FARS2: variants seen among roughly 807,000 people sequenced by gnomAD.
FARS2 encodes phenylalanine--tRNA ligase, mitochondrial.
In FARS2, 40 loss-of-function variants were observed where a neutral mutation model predicts 46.4. The observed-to-expected ratio is 0.86, with a 90% CI of 0.67 to 1.12. FARS2 has a LOEUF of 1.12. Ranked by LOEUF, FARS2 falls within the 50% of genes most tolerant of loss-of-function variation. The pLI is 0.00. For synonymous variants in FARS2, 234 were observed against 214.9 expected, an observed-to-expected ratio of 1.09 and a Z score of -0.78; for missense variants, 513 against 567.9, an observed-to-expected ratio of 0.90 and a Z score of 0.98.
upstream of FARS2, chr6:5,261,002 A>T: frequency 9.5e-7 from 1 of 1,051,370 alleles, no homozygotes; most frequent in Non-Finnish European, 1.2e-6. Flanking sequence ...CCCCGCCCCG[A>T]TCCCGCCCCC....
chr6:5,257,846 G>C (rs1454966432), upstream of FARS2, among the ~76,000 whole-genome samples: 1 of 152,184 alleles, frequency 6.6e-6, no homozygotes, highest in African/African-American at 2.4e-5. Flanking sequence ...GGATAGCTGT[G>C]ATATAGCACT....
chr6:5,290,872 A>G (rs575344445), intron 1 of FARS2, among the ~76,000 whole-genome samples: 4 of 152,152 alleles, frequency 2.6e-5, no homozygotes, highest in Admixed American at 2.6e-4. Context: ...GGCACACACC[A>G]CCATGCCCAG....
intron 5 of FARS2, among the ~76,000 whole-genome samples, chr6:5,578,913 A>G (rs780688909): frequency 2.6e-5 from 4 of 151,524 alleles, no homozygotes; most frequent in Non-Finnish European, 5.9e-5. Context: ...CTACTGCCTT[A>G]TGACATTTCT....
chr6:5,524,151 T>A (rs1769321331), intron 4 of FARS2, among the ~76,000 whole-genome samples: 1 of 152,180 alleles, frequency 6.6e-6, no homozygotes, highest in South Asian at 2.1e-4. Context: ...ATTCACATCT[T>A]TAGAGATAGC....
intron 1 of FARS2, among the ~76,000 whole-genome samples, chr6:5,365,213 T>C (rs1364341738): frequency 6.6e-6 from 1 of 151,940 alleles, no homozygotes; most frequent in South Asian, 2.1e-4. Flanking sequence ...TAAAAACACA[T>C]TGATGTATAA....
intron 6 of FARS2, among the ~76,000 whole-genome samples, chr6:5,634,613 C>T (rs766338491): frequency 2.0e-5 from 3 of 152,204 alleles, no homozygotes; most frequent in Non-Finnish European, 4.4e-5. Context: ...CCAGGCCTTG[C>T]TCAATTTTTA....
rs1364755014 is a variant in FARS2, at chr6:5,709,698, GCGCA to G, written c.1218-61592_1218-61589del. Among the ~76,000 whole-genome samples, 461 of 15,100 alleles carry G rather than the reference GCGCA, an allele frequency of 0.031. 17 individuals are homozygous for G. The East Asian group carries it at 0.46, about 15-fold the overall frequency. The allele number at this position is 15,100 out of a possible 152,430, so 9.9% of individuals were successfully genotyped here. On this transcript the variant is annotated intron_variant, in intron 6 of 6. Transcript: ENST00000274680. Reference sequence around the variant, plus strand: ...TGTGTGTGTGTGTGTGTGTGTGTGTGCGCATGCACGTGCATGTTGGGGGGGGTGG... The same window carrying G: ...TGTGTGTGTGTGTGTGTGTGTGTGTGTGCACGTGCATGTTGGGGGGGGTGG...
rs1035847668 is a variant in FARS2, at chr6:5,559,004, G to A, written c.1065+13664G>A. On this transcript the variant is annotated intron_variant, in intron 5 of 6. Coordinates refer to ENST00000274680, the MANE Select transcript of FARS2 (RefSeq NM_006567.5). The stretch of plus-strand genomic sequence containing the variant: ...TTTAAAATGATGATATGTTCTAAAC[G>A]TATATTTCTGGATTTAACTTGCTGA... Among the ~76,000 whole-genome samples, 22 of 152,090 alleles carry A rather than the reference G, an allele frequency of 1.4e-4. 1 individual carries two copies. Among genetic ancestry groups the A allele is most frequent in the Non-Finnish European group, 2.1e-4 (14 of 68,026 alleles).
intron 6 of FARS2, among the ~76,000 whole-genome samples, chr6:5,687,440 A>G (rs908661842): frequency 2.6e-5 from 4 of 152,274 alleles, no homozygotes; most frequent in Admixed American, 6.5e-5. Context: ...TCCCAGCACC[A>G]TTTATTAAAT....
At position 5,771,294 on chromosome 6, in the gene FARS2, G is replaced by A. The variant is rs984460938; in HGVS notation, c.1221G>A (p.Thr407=). 1.7e-5 allele frequency: 28 copies of A among 1,613,906 alleles called. No homozygotes were observed. The highest frequency in any genetic ancestry group is 3.3e-5 in the Admixed American group (2 of 59,986). The change falls in exon 7 of 7, where the codon ACG becomes ACA. Residue 407 remains threonine (T), a synonymous_variant. Coordinates refer to ENST00000274680, the MANE Select transcript of FARS2 (RefSeq NM_006567.5). ...DLIDKFVHPK[T]HKTSHCYRIT... is the part of the protein sequence containing the mutation. ...TGTGTTCTCTTCCTCTCTGTAGGACGCACAAGACCAGCCACTGCTACCGCA... is the reference window on the plus strand; with the variant it reads ...TGTGTTCTCTTCCTCTCTGTAGGACACACAAGACCAGCCACTGCTACCGCA...
chr6:5,476,533 G>GATGAATGAATGA lies in FARS2; in HGVS notation c.904+45373_904+45384dup, dbSNP rs70975911. On this transcript the variant is annotated intron_variant, in intron 4 of 6. Transcript: ENST00000274680. ...GTAGGTGACCAATAAATAGTTATTGGATGAATGAATGAATGAATGAATGGA... is the reference window on the plus strand; with the variant it reads ...GTAGGTGACCAATAAATAGTTATTGGATGAATGAATGAATGAATGAATGAATGAATGAATGGA... Among the ~76,000 whole-genome samples, 63 of 151,422 alleles carry GATGAATGAATGA rather than the reference G, an allele frequency of 4.2e-4. 3 individuals carry two copies. In the South Asian group the frequency reaches 9.9e-3, roughly 24 times the overall value.
At chr6:5,731,453 A>G (rs1760617444) in intron 6 of FARS2, among the ~76,000 whole-genome samples, 1 of 152,076 alleles carries the variant, frequency 6.6e-6, no homozygotes, top group Non-Finnish European at 1.5e-5. Flanking sequence ...GATTCGTTCC[A>G]TGTCTCCTGC....
intron 1 of FARS2, among the ~76,000 whole-genome samples, chr6:5,261,868 G>C (rs1765163810): frequency 6.6e-6 from 1 of 152,192 alleles, no homozygotes; most frequent in Non-Finnish European, 1.5e-5. Flanking sequence ...AGGGCTTTAG[G>C]CTTTCTCCAA....
chr6:5,468,432 C>T (rs528432922), intron 4 of FARS2, among the ~76,000 whole-genome samples: 1 of 151,792 alleles, frequency 6.6e-6, no homozygotes, highest in South Asian at 2.1e-4. Flanking sequence ...GATGTTGTAT[C>T]TTATTACAAT....
the FARS2 span, among the ~76,000 whole-genome samples, chr6:5,251,949 A>G: frequency 0.29 from 43,611 of 152,160 alleles, 7,889 homozygotes; most frequent in African/African-American, 0.51. Flanking sequence ...AAGAGTTCCA[A>G]TGGCTCAAAA....
intron 6 of FARS2, among the ~76,000 whole-genome samples, chr6:5,763,736 A>G (rs1370495524): frequency 5.3e-5 from 8 of 150,130 alleles, no homozygotes. Context: ...CCTAAGTCTC[A>G]TGATCAGAAT....
chr6:5,370,338 A>T (rs1468670109), intron 2 of FARS2, among the ~76,000 whole-genome samples: 1 of 151,746 alleles, frequency 6.6e-6, no homozygotes, highest in African/African-American at 2.4e-5. Context: ...CAAAAAGGCC[A>T]TCCGTGCTGG....
At chr6:5,650,844 T>C (rs1777324901) in intron 6 of FARS2, among the ~76,000 whole-genome samples, 1 of 152,090 alleles carries the variant, frequency 6.6e-6, no homozygotes, top group Non-Finnish European at 1.5e-5. Flanking sequence ...GGAGAGGGAG[T>C]GTGCTCCAAT....
intron 6 of FARS2, among the ~76,000 whole-genome samples, chr6:5,683,301 G>A (rs1453831745): frequency 6.6e-6 from 1 of 152,188 alleles, no homozygotes; most frequent in African/African-American, 2.4e-5. Context: ...GTGAGGAAAA[G>A]CCAGGAGACA....
Sources: allele counts gnomAD v4.1 joint callset (sites outside exome capture counted in the v4.1 genomes callset), GRCh38; gene constraint gnomAD v4.1.1; transcripts MANE v1.5; gene names NCBI Gene and HGNC (gene_info 2026-07-23, HGNC 2026-07-21).